VCAN: variants seen among roughly 807,000 people sequenced by gnomAD.
VCAN encodes the protein versican core protein.
Under a neutral mutation model 245.5 loss-of-function variants are expected in VCAN, and 44 were observed. The observed-to-expected ratio is 0.18, with a 90% CI of 0.14 to 0.23. VCAN has a LOEUF of 0.23. VCAN is among the 10% of genes least tolerant of loss of function. The pLI, the probability that VCAN is intolerant of heterozygous loss-of-function variation, is 1.00. For synonymous variants in VCAN, 1,413 were observed against 1,437.0 expected, an observed-to-expected ratio of 0.98 and a Z score of 0.38; for missense variants, 3,793 against 4,057.9, an observed-to-expected ratio of 0.93 and a Z score of 1.77.
intron 2 of VCAN, 79 bp downstream of exon 2, chr5:83,483,667 C>A (rs183179360): frequency 3.1e-6 from 4 of 1,291,150 alleles, no homozygotes; most frequent in East Asian, 2.3e-5. Flanking sequence ...AATGTGGAAT[C>A]ACTGGAATAA....
chr5:83,564,806 T>C (rs944470457), intron 12 of VCAN, among the ~76,000 whole-genome samples: 6 of 150,292 alleles, frequency 4.0e-5, no homozygotes, highest in African/African-American at 7.3e-5. Flanking sequence ...CAGTAAGTTC[T>C]CCCAACAATT....
At chr5:83,513,475 G>T (rs1561239872) in intron 6 of VCAN, among the ~76,000 whole-genome samples, 1 of 152,170 alleles carries the variant, frequency 6.6e-6, no homozygotes, top group Non-Finnish European at 1.5e-5. Flanking sequence ...CAGTAGAATG[G>T]ATGTTAATGC....
intron 6 of VCAN, among the ~76,000 whole-genome samples, chr5:83,514,111 T>C (rs1328392783): frequency 6.6e-6 from 1 of 152,234 alleles, no homozygotes; most frequent in Non-Finnish European, 1.5e-5. Context: ...AAGGTACTTA[T>C]GTTTAAATAG....
chr5:83,536,265 G>A (rs1384226173), intron 7 of VCAN: 2 of 152,152 alleles, frequency 1.3e-5, no homozygotes, highest in Non-Finnish European at 2.9e-5. Context: ...GTCTATAGGT[G>A]TGGAAGGCTC....
intron 6 of VCAN, among the ~76,000 whole-genome samples, chr5:83,516,283 C>CA (rs904160283): frequency 7.0e-4 from 102 of 145,622 alleles, no homozygotes; most frequent in East Asian, 1.2e-3. Context: ...GACTCTGTCT[C>CA]AAAAAAAAAA....
chr5:83,546,243 A>G (rs1442701542), intron 9 of VCAN, among the ~76,000 whole-genome samples: 1 of 108,580 alleles, frequency 9.2e-6, no homozygotes, highest in Non-Finnish European at 1.7e-5. Flanking sequence ...CTCTTTAAAG[A>G]AAAAAAAAAA....
At chr5:83,494,370 C>G (rs1185811553) in intron 5 of VCAN, among the ~76,000 whole-genome samples, 1 of 152,198 alleles carries the variant, frequency 6.6e-6, no homozygotes, top group Non-Finnish European at 1.5e-5. Context: ...TCAAGTTTGA[C>G]TTCCTGTTTA....
chr5:83,484,967 G>C (rs1056983455), intron 2 of VCAN, among the ~76,000 whole-genome samples: 1 of 152,166 alleles, frequency 6.6e-6, no homozygotes, highest in Non-Finnish European at 1.5e-5. Flanking sequence ...CAGTGATCAA[G>C]GGGAAAGTAG....
chr5:83,512,062 T>C (rs1745677828), intron 5 of VCAN, 41 bp from the exon 6 acceptor site: 1 of 1,612,220 alleles, frequency 6.2e-7, no homozygotes, highest in African/African-American at 1.3e-5. Context: ...AAGGAATGAA[T>C]AATAAAACTT....
chr5:83,551,436 C>G lies in VCAN; in HGVS notation c.9494-1928C>G, dbSNP rs138086918. On this transcript the variant is annotated intron_variant, in intron 10 of 14. Coordinates refer to ENST00000265077, the MANE Select transcript of VCAN (RefSeq NM_004385.5). ...CTGAGGCAGGAGACTCACTTGAACCCGAGAAGCAGAGGTTGCAGTGAGCCA... is the reference window on the plus strand; with the variant it reads ...CTGAGGCAGGAGACTCACTTGAACCGGAGAAGCAGAGGTTGCAGTGAGCCA... Among the ~76,000 whole-genome samples the G allele has an allele frequency of 8.5e-3, 1,284 of 151,458 alleles. 17 individuals are homozygous for G. The highest frequency in any genetic ancestry group is 0.032 in the East Asian group (165 of 5,116).
Position 83,471,772 on chromosome 5 carries a change from G to A in VCAN, c.-258G>A, listed in dbSNP as rs1011685375. 2.5e-6 allele frequency: 1 copy of A among 398,682 alleles called. No individual in the cohort carries two copies. The highest frequency in any genetic ancestry group is 2.1e-5 in the African/African-American group (1 of 48,624). 24.7% of individuals were successfully genotyped at this position (398,682 alleles called of 1,614,324 possible). A position where few individuals can be genotyped will look rare whatever the true frequency, so the allele number is the denominator to read the frequency against. Reference sequence around the variant, plus strand: ...TTTGAACTTGCAGGCGAGCTGCCCCGAGCCTTTCTGGGGAAGAACTCCAGG... The same window carrying A: ...TTTGAACTTGCAGGCGAGCTGCCCCAAGCCTTTCTGGGGAAGAACTCCAGG... On this transcript the variant is annotated 5_prime_UTR_variant, in exon 1 of 15. Coordinates refer to ENST00000265077, the MANE Select transcript of VCAN (RefSeq NM_004385.5).
intron 5 of VCAN, among the ~76,000 whole-genome samples, chr5:83,496,865 T>G (rs912763095): frequency 3.9e-5 from 6 of 152,212 alleles, no homozygotes; most frequent in Admixed American, 3.3e-4. Flanking sequence ...AATAAAAAAT[T>G]CTTGTGGAAA....
chr5:83,562,392 G>T (rs1287927871), intron 12 of VCAN: 3 of 152,124 alleles, frequency 2.0e-5, no homozygotes, highest in African/African-American at 7.2e-5. Flanking sequence ...TCATAGAGTA[G>T]TTCTAGAACG....
In VCAN at chr5:83,520,378, T is replaced by A; in HGVS notation, c.2072T>A (p.Ile691Lys). The stretch of plus-strand genomic sequence containing the variant: ...AGAAGAGAAAGAACAGAAACACTAA[T>A]ACCAGAGATGAGAACAGATACTTAT... ...THRRERTETL[I>K]PEMRTDTYTD... Residue 691 changes from isoleucine (I) to lysine (K), a missense_variant, in exon 7 of 15, where the codon ATA becomes AAA. Ile to Lys is a moderately radical substitution (Grantham distance 102). Transcript: ENST00000265077. 1 of 1,612,588 alleles carries A rather than the reference T, an allele frequency of 6.2e-7. No individual in the cohort carries two copies. Among genetic ancestry groups the A allele is most frequent in the Non-Finnish European group, 8.5e-7 (1 of 1,179,474 alleles).
Position 83,538,916 on chromosome 5 carries a change from A to G in VCAN, c.5913A>G (p.Pro1971=). 7 of 1,614,036 alleles carry G rather than the reference A, an allele frequency of 4.3e-6. No individual in the cohort carries two copies. Among genetic ancestry groups the G allele is most frequent in the Non-Finnish European group, 5.1e-6 (6 of 1,179,980 alleles). Residue 1971 remains proline (P), a synonymous_variant, in exon 8 of 15, where the codon CCA becomes CCG. Coordinates refer to ENST00000265077, the MANE Select transcript of VCAN (RefSeq NM_004385.5). ...CATTTAGGGACACCCAGACTTCACC[A>G]TCTACAGTACCTACTTCAGTTCACA... ...DAAFRDTQTS[P]STVPTSVHIS...
intron 1 of VCAN, among the ~76,000 whole-genome samples, chr5:83,480,688 A>G (rs1417471648): frequency 1.3e-5 from 2 of 152,212 alleles, no homozygotes; most frequent in Non-Finnish European, 2.9e-5. Context: ...ACTGTTCTAC[A>G]GAGGAGATTA....
At chr5:83,516,034 C>T (rs957765320) in intron 6 of VCAN, among the ~76,000 whole-genome samples, 7 of 152,154 alleles carry the variant, frequency 4.6e-5, no homozygotes, top group East Asian at 3.9e-4. Flanking sequence ...AGATCGAGAC[C>T]ATCCTGGCTA....
Position 83,521,934 on chromosome 5 carries a change from G to A in VCAN, c.3628G>A (p.Ala1210Thr), listed in dbSNP as rs1746120961. Residue 1210 changes from alanine (A) to threonine (T), a missense_variant, in exon 7 of 15, where the codon GCC (alanine) becomes ACC (threonine). This residue lies in a region of VCAN where 3,182 missense variants were observed against 3,250.3 expected (regional missense o/e 0.98). Transcript: ENST00000265077. Reference sequence around the variant, plus strand: ...CACAGTTCCAAGTGATATTACCACTGCCTTCAGTTCAGTAGACAGACTTCA... The same window carrying A: ...CACAGTTCCAAGTGATATTACCACTACCTTCAGTTCAGTAGACAGACTTCA... ...KVTVPSDITTAFSSVDRLHTT... is the reference protein window; with the variant it reads ...KVTVPSDITTTFSSVDRLHTT... 2.5e-6 allele frequency: 4 copies of A among 1,614,158 alleles called. No individual in the cohort carries two copies. The African/African-American group carries it at 4.0e-5, about 16-fold the overall frequency.
chr5:83,529,786 T>G (rs910451602), intron 7 of VCAN, among the ~76,000 whole-genome samples: 2 of 152,136 alleles, frequency 1.3e-5, no homozygotes, highest in African/African-American at 4.8e-5. Flanking sequence ...TTTCACATAT[T>G]TAATACTCCT....
Sources: allele counts gnomAD v4.1 joint callset (sites outside exome capture counted in the v4.1 genomes callset), GRCh38; gene constraint gnomAD v4.1.1; regional missense constraint gnomAD v4.1.1; transcripts MANE v1.5; gene names NCBI Gene and HGNC (gene_info 2026-07-23, HGNC 2026-07-21).